Variants in LAMB1 observed in about 807,000 individuals in gnomAD.
LAMB1 encodes the protein laminin subunit beta 1.
Under a neutral mutation model 222.3 loss-of-function variants are expected in LAMB1, and 121 were observed. The ratio of observed to expected loss-of-function variants is 0.54; its 90% CI spans 0.47 to 0.63. The LOEUF (loss-of-function observed/expected upper bound fraction) is 0.63. LAMB1 is among the 30% of genes least tolerant of loss of function. The pLI, the probability that LAMB1 is intolerant of heterozygous loss-of-function variation, is 0.00. For synonymous variants in LAMB1, 794 were observed against 807.2 expected, an observed-to-expected ratio of 0.98 and a Z score of 0.28; for missense variants, 2,172 against 2,240.8, an observed-to-expected ratio of 0.97 and a Z score of 0.62.
In LAMB1 at chr7:107,959,351, C is replaced by G; in HGVS notation, c.2588G>C (p.Ser863Thr). Residue 863 changes from serine (S) to threonine (T), a missense_variant, in exon 20 of 34, where the codon AGT becomes ACT. Physicochemically the swap from Ser to Thr is moderately conservative, Grantham distance 58. Transcript: ENST00000222399. The stretch of plus-strand genomic sequence containing the variant: ...GCCATTGCACTGGCAGGGCTGGCAA[C>G]TTGGAAAGCCCCAGTGCCCAGGTAA... ...RCLPGHWGFP[S>T]CQPCQCNGHA... 1 of 1,614,238 alleles carries G rather than the reference C, an allele frequency of 6.2e-7. No homozygotes were observed. The highest frequency in any genetic ancestry group is 8.5e-7 in the Non-Finnish European group (1 of 1,180,044).
intron 29 of LAMB1, among the ~76,000 whole-genome samples, chr7:107,930,241 T>C (rs921413774): frequency 6.6e-6 from 1 of 152,090 alleles, no homozygotes; most frequent in African/African-American, 2.4e-5. Context: ...TGGAAGATGG[T>C]GAAAAAAAAA....
chr7:107,970,354 A>G (rs1466159282), intron 13 of LAMB1, among the ~76,000 whole-genome samples: 2 of 151,902 alleles, frequency 1.3e-5, no homozygotes, highest in Non-Finnish European at 1.5e-5. Flanking sequence ...TGAGTGTGGT[A>G]GCTGGTGCCT....
chr7:107,963,958 C>T (rs1046377968), intron 14 of LAMB1, among the ~76,000 whole-genome samples: 9 of 152,282 alleles, frequency 5.9e-5, no homozygotes, highest in South Asian at 2.1e-4. Flanking sequence ...ATTAGCCAGG[C>T]GTGGTGGCAC....
intron 5 of LAMB1, among the ~76,000 whole-genome samples, chr7:107,988,249 C>T (rs886362513): frequency 3.3e-5 from 5 of 152,140 alleles, no homozygotes; most frequent in African/African-American, 7.2e-5. Flanking sequence ...TTGCCAATGA[C>T]GACAACGTGG....
chr7:107,993,287 C>T lies in LAMB1; in HGVS notation c.423+1600G>A, dbSNP rs184219356. Among the ~76,000 whole-genome samples, 37 of 152,288 alleles carry T rather than the reference C, an allele frequency of 2.4e-4. No homozygotes were observed. In the East Asian group the frequency reaches 5.0e-3, roughly 21 times the overall value. On this transcript the variant is annotated intron_variant, in intron 5 of 33. Coordinates refer to ENST00000222399, the MANE Select transcript of LAMB1 (RefSeq NM_002291.3). The stretch of plus-strand genomic sequence containing the variant: ...TAGCTGGGACTACAGGCGCGTGCCA[C>T]CACGCCTGGCTAATTTTTGTATTTT...
intron 13 of LAMB1, among the ~76,000 whole-genome samples, chr7:107,970,161 G>T (rs189006533): frequency 2.8e-4 from 43 of 152,216 alleles, no homozygotes; most frequent in African/African-American, 4.6e-4. Flanking sequence ...ATGCATCAAG[G>T]GAGGGTTCGG....
chr7:107,948,841 G>C (rs916999759), intron 24 of LAMB1, among the ~76,000 whole-genome samples: 8 of 151,998 alleles, frequency 5.3e-5, no homozygotes, highest in Admixed American at 1.3e-4. Flanking sequence ...AGCATAATAG[G>C]CAAACCATAA....
rs2034420860 is a variant in LAMB1, at chr7:108,002,989, A to AG, written c.-86-19dup. ...CTTCCTTTCTGGAGAGGTGGAAAGGAGGGGAAAAAAGGCAAATGTTCAAAG... is the reference window on the plus strand; with the variant it reads ...CTTCCTTTCTGGAGAGGTGGAAAGGAGGGGGAAAAAAGGCAAATGTTCAAAG... On this transcript the variant is annotated intron_variant, in intron 1 of 33. Coordinates refer to ENST00000222399, the MANE Select transcript of LAMB1 (RefSeq NM_002291.3). 1 of 1,567,546 alleles carries AG rather than the reference A, an allele frequency of 6.4e-7. No homozygotes were observed. The highest frequency in any genetic ancestry group is 8.6e-7 in the Non-Finnish European group (1 of 1,164,238).
At chr7:107,955,407 T>G (rs564181155) in intron 21 of LAMB1, 60 bp downstream of exon 21, 14 of 1,436,688 alleles carry the variant, frequency 9.7e-6, no homozygotes, top group Non-Finnish European at 1.3e-5. Context: ...TCATTAACAA[T>G]GAACTCATAA....
intron 31 of LAMB1, among the ~76,000 whole-genome samples, chr7:107,927,790 C>T (rs1018051197): frequency 2.0e-5 from 3 of 152,146 alleles, no homozygotes; most frequent in Non-Finnish European, 2.9e-5. Flanking sequence ...CTTATTGATA[C>T]TCGAAATTTA....
rs200599445 is a variant in LAMB1, at chr7:107,935,347, G to GTTTTTTTTTTTTT, written c.4188+55_4188+67dup. 73 of 1,173,248 alleles carry GTTTTTTTTTTTTT rather than the reference G, an allele frequency of 6.2e-5. 16 individuals are homozygous for GTTTTTTTTTTTTT. The highest frequency in any genetic ancestry group is 3.9e-4 in the African/African-American group (16 of 41,524). 72.7% of individuals were successfully genotyped at this position (1,173,248 alleles called of 1,614,324 possible). ...GACAAAAGATGGTTTGTTTTTCTTTGTTTTTTTTTTTTTTTTTTTTTTTTT... is the reference window on the plus strand; with the variant it reads ...GACAAAAGATGGTTTGTTTTTCTTTGTTTTTTTTTTTTTTTTTTTTTTTTTTTTTTTTTTTTTT... On this transcript the variant is annotated intron_variant, in intron 27 of 33. Transcript: ENST00000222399.
chr7:107,947,983 CTT>C (rs10630521), intron 24 of LAMB1, among the ~76,000 whole-genome samples: 55 of 117,238 alleles, frequency 4.7e-4, no homozygotes, highest in Middle Eastern at 5.0e-3. Flanking sequence ...TCTTCTTCTT[CTT>C]TTTTTTTTTT....
At chr7:107,985,609 A>AT (rs755817546) in intron 7 of LAMB1, among the ~76,000 whole-genome samples, 4 of 151,768 alleles carry the variant, frequency 2.6e-5, no homozygotes, top group Admixed American at 2.6e-4. Context: ...AGCCTGGGCA[A>AT]TAAGAGTGAA....
At chr7:107,961,074 A>C in intron 17 of LAMB1, 132 bp downstream of exon 17, 5 of 973,396 alleles carry the variant, frequency 5.1e-6, no homozygotes, top group Non-Finnish European at 6.1e-6. Flanking sequence ...AAGCAAAGTA[A>C]CCGTGGAGGC....
intron 15 of LAMB1, among the ~76,000 whole-genome samples, 164 bp downstream of exon 15, chr7:107,962,741 G>A (rs1238008709): frequency 6.6e-6 from 1 of 151,374 alleles, no homozygotes; most frequent in Admixed American, 6.6e-5. Context: ...AAAGAAAATG[G>A]TACATTTATT....
At chr7:107,982,449 A>C (rs985635371) in intron 7 of LAMB1, among the ~76,000 whole-genome samples, 1 of 152,246 alleles carries the variant, frequency 6.6e-6, no homozygotes, top group African/African-American at 2.4e-5. Context: ...GCGGGTAGAA[A>C]GGAAAAGTCC....
intron 24 of LAMB1, among the ~76,000 whole-genome samples, chr7:107,950,445 A>C (rs553104084): frequency 6.6e-6 from 1 of 152,354 alleles, no homozygotes; most frequent in African/African-American, 2.4e-5. Flanking sequence ...TCTGAAAAAT[A>C]ATTTTCCAGG....
chr7:107,961,379 A>C (rs765871266), intron 16 of LAMB1, 50 bp from the exon 17 acceptor site: 1 of 1,597,958 alleles, frequency 6.3e-7, no homozygotes, highest in Non-Finnish European at 8.5e-7. Flanking sequence ...ACCTTCATGC[A>C]TCCAAAAAAT....
chr7:107,939,810 C>T (rs113949278), intron 25 of LAMB1, among the ~76,000 whole-genome samples, 179 bp downstream of exon 25: 5 of 152,304 alleles, frequency 3.3e-5, no homozygotes, highest in South Asian at 4.1e-4. Flanking sequence ...GATGTGCCAA[C>T]GTTCACTCAC....
Sources: allele counts gnomAD v4.1 joint callset (sites outside exome capture counted in the v4.1 genomes callset), GRCh38; gene constraint gnomAD v4.1.1; transcripts MANE v1.5; gene names NCBI Gene and HGNC (gene_info 2026-07-23, HGNC 2026-07-21).